INSR: variants seen among roughly 807,000 people sequenced by gnomAD.
INSR encodes the protein insulin receptor.
Under a neutral mutation model 142.6 loss-of-function variants are expected in INSR, and 67 were observed. That is an observed-to-expected ratio of 0.47 (90% confidence interval 0.39 to 0.58). The LOEUF is 0.58. Among genes scored for constraint, INSR ranks in the 20% least tolerant of loss-of-function variants. INSR has a pLI of 0.00. For synonymous variants in INSR, 756 were observed against 743.1 expected, an observed-to-expected ratio of 1.02 and a Z score of -0.28; for missense variants, 1,248 against 1,833.2, an observed-to-expected ratio of 0.68 and a Z score of 5.83.
chr19:7,214,535 T>C (rs1285703637), intron 2 of INSR, among the ~76,000 whole-genome samples: 1 of 152,164 alleles, frequency 6.6e-6, no homozygotes, highest in Non-Finnish European at 1.5e-5. Context: ...AAAATGACAT[T>C]CTCTGCTGGT....
chr19:7,290,415 T>G (rs555520939), intron 1 of INSR, among the ~76,000 whole-genome samples: 1 of 151,846 alleles, frequency 6.6e-6, no homozygotes, highest in South Asian at 2.1e-4. Flanking sequence ...CAAAAAATAA[T>G]AGATAGCTAG....
In INSR at chr19:7,265,066, A is replaced by C. The variant is rs571436024; in HGVS notation, c.652+2279T>G. On this transcript the variant is annotated intron_variant, in intron 2 of 21. Coordinates refer to ENST00000302850, the MANE Select transcript of INSR (RefSeq NM_000208.4). ...TTCTATCTTTTGTGATACAACCCTC[A>C]AGCCACCCACTTAACTTCTTCCCAC... Among the ~76,000 whole-genome samples the C allele has an allele frequency of 3.2e-4, 49 of 152,244 alleles. 1 individual carries two copies. The highest frequency in any genetic ancestry group is 1.2e-3 in the African/African-American group (48 of 41,544).
intron 3 of INSR, among the ~76,000 whole-genome samples, chr19:7,180,715 A>G (rs138719514): frequency 2.0e-3 from 308 of 152,130 alleles, no homozygotes; most frequent in Middle Eastern, 0.017. Context: ...AGGGACAAGC[A>G]TTATAGGAAG....
chr19:7,196,093 G>A (rs1210425688), intron 2 of INSR, among the ~76,000 whole-genome samples: 14 of 151,960 alleles, frequency 9.2e-5, no homozygotes, highest in African/African-American at 3.4e-4. Context: ...GTGCCACCAC[G>A]CCTGGCTAAT....
intron 2 of INSR, among the ~76,000 whole-genome samples, chr19:7,186,456 A>G (rs1464812677): frequency 6.6e-6 from 1 of 152,076 alleles, no homozygotes; most frequent in East Asian, 1.9e-4. Context: ...TAGTGCAACT[A>G]GGAAATCCAA....
At position 7,115,915 on chromosome 19, in the gene INSR, C is replaced by CT. The variant is rs1041024375; in HGVS notation, c.*1140dup. The CT allele has an allele frequency of 1.3e-5, 2 of 152,188 alleles. No individual in the cohort carries two copies. Among genetic ancestry groups the CT allele is most frequent in the Non-Finnish European group, 1.5e-5 (1 of 68,048 alleles). 9.4% of individuals were successfully genotyped at this position (152,188 alleles called of 1,614,324 possible). ...CCTTTAAGACCAAACAAAGAGGCCA[C>CT]TTGTGCCTGACTCCCTCCCCTTCCC... On this transcript the variant is annotated 3_prime_UTR_variant, in exon 22 of 22. Transcript: ENST00000302850.
chr19:7,136,095 TC>T (rs577935103), intron 13 of INSR, among the ~76,000 whole-genome samples: 26 of 152,244 alleles, frequency 1.7e-4, no homozygotes, highest in Middle Eastern at 3.4e-3. Context: ...CTTGTTATTG[TC>T]CGTCTGTTTG....
chr19:7,205,026 G>A (rs1021244829), intron 2 of INSR, among the ~76,000 whole-genome samples: 1 of 152,220 alleles, frequency 6.6e-6, no homozygotes, highest in Non-Finnish European at 1.5e-5. Context: ...AGAGGTTGCG[G>A]TGAGCCGAGA....
chr19:7,202,719 T>C (rs1974997330), intron 2 of INSR, among the ~76,000 whole-genome samples: 1 of 152,208 alleles, frequency 6.6e-6, no homozygotes, highest in Admixed American at 6.5e-5. Flanking sequence ...CAGGCTGGTC[T>C]CGAACTCCTG....
intron 1 of INSR, among the ~76,000 whole-genome samples, chr19:7,283,521 C>A (rs1346011055): frequency 6.6e-6 from 1 of 152,078 alleles, no homozygotes; most frequent in Non-Finnish European, 1.5e-5. Flanking sequence ...CTCACTGCAA[C>A]CTCTGCCTCC....
intron 2 of INSR, among the ~76,000 whole-genome samples, chr19:7,199,869 C>T (rs1050215537): frequency 6.6e-6 from 1 of 151,814 alleles, no homozygotes; most frequent in Non-Finnish European, 1.5e-5. Context: ...GTCTGTCTTG[C>T]TTATTACAGC....
At chr19:7,176,746 T>G (rs1407418471) in intron 3 of INSR, among the ~76,000 whole-genome samples, 1 of 152,206 alleles carries the variant, frequency 6.6e-6, no homozygotes, top group Non-Finnish European at 1.5e-5. Context: ...ATGCTTCCCG[T>G]ACAGCCTGCA....
At chr19:7,218,139 G>A (rs919608099) in intron 2 of INSR, among the ~76,000 whole-genome samples, 5 of 151,990 alleles carry the variant, frequency 3.3e-5, no homozygotes, top group South Asian at 2.1e-4. Context: ...GGAAAACACA[G>A]GGGGAAGGGG....
At chr19:7,162,129 C>G (rs1386662481) in intron 9 of INSR, among the ~76,000 whole-genome samples, 1 of 151,400 alleles carries the variant, frequency 6.6e-6, no homozygotes. Context: ...GAGTTCAAGA[C>G]CAGCCTGGCC....
intron 15 of INSR, 137 bp downstream of exon 15, chr19:7,128,715 A>T: frequency 1.5e-6 from 1 of 669,734 alleles, no homozygotes; most frequent in Admixed American, 2.3e-5. Context: ...TATGACAATT[A>T]TCTGTAAATT....
intron 2 of INSR, among the ~76,000 whole-genome samples, chr19:7,186,144 G>A (rs191729581): frequency 8.2e-4 from 125 of 152,148 alleles, no homozygotes; most frequent in African/African-American, 2.9e-3. Flanking sequence ...GCAGGGAGCC[G>A]AGATCATGCC....
In INSR at chr19:7,132,243, C is replaced by T; in HGVS notation, c.2757G>A (p.Gly919=). The change falls in exon 14 of 22, where the codon GGG becomes GGA. Residue 919 remains glycine, a synonymous_variant. Coordinates refer to ENST00000302850, the MANE Select transcript of INSR (RefSeq NM_000208.4). ...RGCRLRGLSP[G]NYSVRIRATS... ...TGGCCCGGATTCGCACGCTGTAGTT[C>T]CCCGGTGACAGCCCACGCAGCCTGC... 1 of 1,614,232 alleles carries T rather than the reference C, an allele frequency of 6.2e-7. No individual in the cohort carries two copies. Among genetic ancestry groups the T allele is most frequent in the East Asian group, 2.2e-5 (1 of 44,874 alleles).
intron 2 of INSR, among the ~76,000 whole-genome samples, chr19:7,261,051 C>T (rs1190929336): frequency 6.6e-6 from 1 of 151,924 alleles, no homozygotes; most frequent in Non-Finnish European, 1.5e-5. Flanking sequence ...CCATGCCTGG[C>T]TAATTTTTGT....
chr19:7,152,393 AAG>A (rs1568448295), intron 10 of INSR: 2 of 318,390 alleles, frequency 6.3e-6, no homozygotes, highest in Non-Finnish European at 1.2e-5. Flanking sequence ...AAAAAAAAAA[AAG>A]AGAGAGAGAG....
Sources: allele counts gnomAD v4.1 joint callset (sites outside exome capture counted in the v4.1 genomes callset), GRCh38; gene constraint gnomAD v4.1.1; transcripts MANE v1.5; gene names NCBI Gene and HGNC (gene_info 2026-07-23, HGNC 2026-07-21).